The following CLMP variants were observed in gnomAD, a reference collection of about 807,000 sequenced individuals.
CLMP encodes CXADR like cell adhesion molecule, also known as CXADR-like membrane protein.
CLMP carries 27 observed loss-of-function variants against 45.2 expected under a neutral mutation model. The observed-to-expected ratio is 0.60, with a 90% CI of 0.44 to 0.82. The LOEUF is 0.82. Among genes scored for constraint, CLMP ranks in the 40% least tolerant of loss-of-function variants. The pLI is 0.00. For synonymous variants in CLMP, 167 were observed against 171.4 expected (o/e 0.97, Z 0.20); for missense variants, 403 against 448.4 (o/e 0.90, Z 0.91).
intron 1 of CLMP, among the ~76,000 whole-genome samples, chr11:123,194,000 T>C (rs1861943714): frequency 1.3e-5 from 2 of 152,106 alleles, no homozygotes; most frequent in South Asian, 2.1e-4. Flanking sequence ...TCAGGGTGCA[T>C]AGTGACGTGC....
At chr11:123,159,789 G>A (rs1861460430) in intron 1 of CLMP, among the ~76,000 whole-genome samples, 1 of 152,126 alleles carries the variant, frequency 6.6e-6, no homozygotes, top group Non-Finnish European at 1.5e-5. Context: ...ATTAATAGTT[G>A]TTGCTTTAAA....
intron 1 of CLMP, among the ~76,000 whole-genome samples, chr11:123,106,420 TGTGTGCGCGCGCGCGC>T (rs761531428): frequency 0.06 from 6,462 of 106,878 alleles, 170 homozygotes; most frequent in African/African-American, 0.094. Flanking sequence ...TGTGTGTGTG[TGTGTGCGCGCGCGCGC>T]GCGCACGTGC....
intron 5 of CLMP, among the ~76,000 whole-genome samples, chr11:123,077,642 A>G (rs565517376): frequency 2.6e-4 from 39 of 152,332 alleles, no homozygotes; most frequent in Middle Eastern, 3.4e-3. Flanking sequence ...CATTTTTTAA[A>G]GAAATTGGAC....
intron 1 of CLMP, among the ~76,000 whole-genome samples, chr11:123,150,467 GAAAGAAAGA>G (rs2135524653): frequency 3.0e-3 from 307 of 103,276 alleles, no homozygotes; most frequent in Non-Finnish European, 5.1e-3. Flanking sequence ...AAGAAAGAAA[GAAAGAAAGA>G]AAGAAAGGAA....
chr11:123,095,798 T>A (rs549113635), intron 2 of CLMP, among the ~76,000 whole-genome samples: 1 of 152,098 alleles, frequency 6.6e-6, no homozygotes, highest in Non-Finnish European at 1.5e-5. Context: ...CAGGATAGGG[T>A]AATAAGATAC....
intron 2 of CLMP, among the ~76,000 whole-genome samples, chr11:123,090,132 C>G (rs1466727829): frequency 6.6e-6 from 1 of 150,986 alleles, no homozygotes; most frequent in East Asian, 2.0e-4. Flanking sequence ...GATCCACTAA[C>G]TGGTTGTGAT....
At chr11:123,076,991 CTTTTTTTTTT>C (rs869224079) in intron 5 of CLMP, among the ~76,000 whole-genome samples, 1 of 99,670 alleles carries the variant, frequency 1.0e-5, no homozygotes, top group Non-Finnish European at 2.0e-5. Flanking sequence ...GCTATTTATT[CTTTTTTTTTT>C]TTTTTTTTTT....
intron 1 of CLMP, among the ~76,000 whole-genome samples, chr11:123,126,102 T>C (rs545918416): frequency 2.7e-4 from 41 of 152,346 alleles, no homozygotes; most frequent in African/African-American, 9.4e-4. Context: ...CCTGAATATA[T>C]TGCTTCGCCT....
At chr11:123,116,157 G>A (rs146518384) in intron 1 of CLMP, among the ~76,000 whole-genome samples, 16 of 151,714 alleles carry the variant, frequency 1.1e-4, no homozygotes, top group South Asian at 2.1e-4. Flanking sequence ...CTCTGCTGCC[G>A]TATTCTACTT....
chr11:123,101,939 T>C (rs1488890226), intron 1 of CLMP, among the ~76,000 whole-genome samples: 1 of 152,154 alleles, frequency 6.6e-6, no homozygotes, highest in Non-Finnish European at 1.5e-5. Flanking sequence ...ATCCCAGCAC[T>C]TTGGGAGGCC....
At chr11:123,091,673 T>C (rs967439629) in intron 2 of CLMP, among the ~76,000 whole-genome samples, 1 of 152,184 alleles carries the variant, frequency 6.6e-6, no homozygotes, top group Non-Finnish European at 1.5e-5. Flanking sequence ...TAGGTTTAAT[T>C]ATTTGCTCAG....
At chr11:123,127,175 G>A (rs1259820487) in intron 1 of CLMP, among the ~76,000 whole-genome samples, 1 of 151,886 alleles carries the variant, frequency 6.6e-6, no homozygotes, top group African/African-American at 2.4e-5. Context: ...AGGCTGGAGT[G>A]CAGTGGCGTG....
chr11:123,136,021 C>T, intron 1 of CLMP: 2 of 578,380 alleles, frequency 3.5e-6, no homozygotes, highest in Non-Finnish European at 3.4e-6. Flanking sequence ...TTGTTGATTT[C>T]CGGTGCTGCT....
intron 1 of CLMP, among the ~76,000 whole-genome samples, chr11:123,161,464 C>T (rs1240047974): frequency 1.3e-5 from 2 of 151,608 alleles, no homozygotes; most frequent in South Asian, 4.2e-4. Context: ...CCCAGGAGTT[C>T]GATACCAGCC....
intron 1 of CLMP, among the ~76,000 whole-genome samples, chr11:123,188,563 C>A (rs1861863694): frequency 2.0e-5 from 3 of 152,188 alleles, no homozygotes; most frequent in Admixed American, 2.0e-4. Context: ...TATTCCACAC[C>A]CACTGAGGGA....
rs111232428 is a variant in CLMP at position 123,187,119 on chromosome 11, G to GT, written c.28+7793dup. On this transcript the variant is annotated intron_variant, in intron 1 of 6. Coordinates refer to ENST00000448775, the MANE Select transcript of CLMP (RefSeq NM_024769.5). ...TTCACAAAAAAACCTCTATGACATT[G>GT]TTACTAGATGCAGTGGCTGATGAGA... is the stretch of plus-strand genomic sequence containing the variant. Among the ~76,000 whole-genome samples the GT allele has an allele frequency of 7.6e-4, 116 of 152,308 alleles. 1 individual carries two copies. The highest frequency in any genetic ancestry group is 2.7e-3 in the African/African-American group (114 of 41,564).
At chr11:123,147,379 T>C (rs927205435) in intron 1 of CLMP, among the ~76,000 whole-genome samples, 1 of 152,224 alleles carries the variant, frequency 6.6e-6, no homozygotes, top group Non-Finnish European at 1.5e-5. Flanking sequence ...GGTCTACCTT[T>C]CACTGGCCCC....
At chr11:123,122,119 C>A (rs912689193) in intron 1 of CLMP, among the ~76,000 whole-genome samples, 1 of 152,114 alleles carries the variant, frequency 6.6e-6, no homozygotes, top group Non-Finnish European at 1.5e-5. Context: ...CTAAAATATC[C>A]GTAAGTGATT....
intron 1 of CLMP, among the ~76,000 whole-genome samples, chr11:123,191,708 G>A (rs1192232663): frequency 2.6e-5 from 4 of 152,192 alleles, no homozygotes; most frequent in African/African-American, 9.6e-5. Context: ...CGCAGTCAAA[G>A]GTTAGTGATC....
Sources: allele counts gnomAD v4.1 joint callset (sites outside exome capture counted in the v4.1 genomes callset), GRCh38; gene constraint gnomAD v4.1.1; transcripts MANE v1.5; gene names NCBI Gene and HGNC (gene_info 2026-07-23, HGNC 2026-07-21).